ADM5: variants seen among roughly 807,000 people sequenced by gnomAD.
ADM5 encodes adrenomedullin 5 (putative).
In ADM5, 1 loss-of-function variant was observed where a neutral mutation model predicts 2.9. That is an observed-to-expected ratio of 0.35 (90% CI 0.12 to 1.65). The LOEUF (loss-of-function observed/expected upper bound fraction) is 1.65, where lower values mean the gene tolerates loss of function less well. Among genes scored for constraint, ADM5 ranks in the 40% most tolerant of loss-of-function variants. The probability of loss-of-function intolerance (pLI) is 0.36; values close to 1 mark genes in which losing one functional copy is unlikely to be tolerated. For missense variants in ADM5, 192 were observed against 205.2 expected (o/e 0.94, Z 0.39); for synonymous variants, 90 against 91.1 (o/e 0.99, Z 0.07).
In ADM5 at chr19:49,689,843, T is replaced by C. The variant is rs1481403129; in HGVS notation, c.6T>C (p.Thr2=). M[T]IHILILLLLL... ...CCTGACCCGCCCTGCCCACGATGAC[T>C]ATCCACATCCTCATCCTGCTGTTGC... is the stretch of plus-strand genomic sequence containing the variant. Residue 2 remains threonine (T), a synonymous_variant, in exon 1 of 2, where the codon ACT becomes ACC. Coordinates refer to ENST00000420022, the MANE Select transcript of ADM5 (RefSeq NM_001101340.2). The C allele has an allele frequency of 1.9e-6, 3 of 1,613,842 alleles. No individual in the cohort carries two copies. Among genetic ancestry groups the C allele is most frequent in the Non-Finnish European group, 2.5e-6 (3 of 1,179,880 alleles).
rs2082308504 is a variant in ADM5, at chr19:49,690,450, C to A, written c.419C>A (p.Ala140Asp). Residue 140 changes from alanine (A) to aspartate (D), a missense_variant, in exon 2 of 2, where the codon GCC becomes GAC. By Grantham distance (126) the Ala-to-Asp change is moderately radical (BLOSUM62 -2). Coordinates refer to ENST00000420022, the MANE Select transcript of ADM5 (RefSeq NM_001101340.2). This position sits in a 1 kb window ranked among gnomAD's most constrained non-coding sequence, Gnocchi z 4.4. ...LLHISSPLTPAPETVFPSPSP... is the reference protein window; with the variant it reads ...LLHISSPLTPDPETVFPSPSP... ...CACATTTCTTCTCCCCTAACTCCAG[C>A]CCCTGAAACCGTCTTCCCCAGTCCC... 1.3e-6 allele frequency: 2 copies of A among 1,539,022 alleles called. No individual in the cohort carries two copies. The highest frequency in any genetic ancestry group is 1.8e-6 in the Non-Finnish European group (2 of 1,138,330).
In ADM5 at chr19:49,690,254, C is replaced by T. The variant is rs998322211; in HGVS notation, c.223C>T (p.Leu75=). Residue 75 remains leucine, a synonymous_variant, in exon 2 of 2, where the codon CTA becomes TTA. Transcript: ENST00000420022. The surrounding 1 kb of genome is among the most constrained non-coding windows in gnomAD (Gnocchi z 4.4). Reference sequence around the variant, plus strand: ...AGGCCAGCCACGAGCCCCAGGACCCCTACAGCTATGGGCGCCGCCGGTGGC... The same window carrying T: ...AGGCCAGCCACGAGCCCCAGGACCCTTACAGCTATGGGCGCCGCCGGTGGC... ...GEGQPRAPGP[L]QLWAPPVARG... 5 of 1,551,912 alleles carry T rather than the reference C, an allele frequency of 3.2e-6. No homozygotes were observed. Among genetic ancestry groups the T allele is most frequent in the Non-Finnish European group, 4.4e-6 (5 of 1,147,206 alleles).
At position 49,689,658 on chromosome 19, in the gene ADM5, C is replaced by A; in HGVS notation, c.-180C>A. On this transcript the variant is annotated 5_prime_UTR_variant, in exon 1 of 2. Coordinates refer to ENST00000420022, the MANE Select transcript of ADM5 (RefSeq NM_001101340.2). Reference sequence around the variant, plus strand: ...CGGGGACCCGGGTTTGAATCCTGCCCCTCTGGTGTGGTGCGGCCTCTTCCC... The same window carrying A: ...CGGGGACCCGGGTTTGAATCCTGCCACTCTGGTGTGGTGCGGCCTCTTCCC... 1 of 732,762 alleles carries A rather than the reference C, an allele frequency of 1.4e-6. No homozygotes were observed. Among genetic ancestry groups the A allele is most frequent in the South Asian group, 1.7e-5 (1 of 58,418 alleles). 45.4% of individuals were successfully genotyped at this position (732,762 alleles called of 1,614,324 possible).
Position 49,690,153 on chromosome 19 carries a change from TG to T in ADM5, c.125del (p.Gly42AlafsTer60). The T allele has an allele frequency of 6.4e-7, 1 of 1,570,000 alleles. No homozygotes were observed. The highest frequency in any genetic ancestry group is 8.6e-7 in the Non-Finnish European group (1 of 1,158,348). On this transcript the variant is annotated frameshift_variant, in exon 2 of 2. Transcript: ENST00000420022. LOFTEE classifies it low-confidence loss of function (END_TRUNC). The surrounding 1 kb of genome is among the most constrained non-coding windows in gnomAD (Gnocchi z 4.4). ...VPQHRGHVCY[L>X]GVCRTHRLAE... is the part of the protein sequence containing the mutation. Reference sequence around the variant, plus strand: ...CAGCACCGCGGGCACGTCTGCTACCTGGGCGTATGCCGGACCCACCGCCTGG... The same window carrying T: ...CAGCACCGCGGGCACGTCTGCTACCTGGCGTATGCCGGACCCACCGCCTGG...
Position 49,690,019 on chromosome 19 carries a change from G to A in ADM5, c.75-87G>A, listed in dbSNP as rs2082294252. 131 of 1,595,600 alleles carry A rather than the reference G, an allele frequency of 8.2e-5. 1 individual carries two copies. The South Asian group carries it at 1.4e-3, about 17-fold the overall frequency. ...AGGTGATCTGTAAGCCTCCCCGCTGGTCTTGGAGTGCTTGGGTGCCCACCT... is the reference window on the plus strand; with the variant it reads ...AGGTGATCTGTAAGCCTCCCCGCTGATCTTGGAGTGCTTGGGTGCCCACCT... On this transcript the variant is annotated intron_variant, in intron 1 of 1. Coordinates refer to ENST00000420022, the MANE Select transcript of ADM5 (RefSeq NM_001101340.2). The surrounding 1 kb of genome is among the most constrained non-coding windows in gnomAD (Gnocchi z 4.4).
Position 49,690,095 on chromosome 19 carries a change from T to C in ADM5, c.75-11T>C. 6.5e-7 allele frequency: 1 copy of C among 1,549,460 alleles called. No homozygotes were observed. The highest frequency in any genetic ancestry group is 8.7e-7 in the Non-Finnish European group (1 of 1,145,216). On this transcript the variant is annotated splice_polypyrimidine_tract_variant and intron_variant, in intron 1 of 1. Coordinates refer to ENST00000420022, the MANE Select transcript of ADM5 (RefSeq NM_001101340.2). This position sits in a 1 kb window ranked among gnomAD's most constrained non-coding sequence, Gnocchi z 4.4. ...GTTTGAACCCGGTTTTCTCCCACGC[T>C]CCCTCTCCAGGCGAGGCCAGCACCA...
Position 49,689,703 on chromosome 19 carries a change from G to A in ADM5, c.-135G>A. ...CTTCCCACAGACTTTTGGCCTCAGT[G>A]TTCCCCGCCTGGGAAGTGGGGACTG... On this transcript the variant is annotated 5_prime_UTR_variant, in exon 1 of 2. Coordinates refer to ENST00000420022, the MANE Select transcript of ADM5 (RefSeq NM_001101340.2). 1 of 1,148,870 alleles carries A rather than the reference G, an allele frequency of 8.7e-7. No individual in the cohort carries two copies. Among genetic ancestry groups the A allele is most frequent in the Non-Finnish European group, 1.3e-6 (1 of 785,832 alleles). 71.2% of individuals were successfully genotyped at this position (1,148,870 alleles called of 1,614,324 possible). A position where few individuals can be genotyped will look rare whatever the true frequency, so the allele number is the denominator to read the frequency against.
chr19:49,690,543 C>T lies in ADM5; in HGVS notation c.*50C>T. 2 of 1,402,208 alleles carry T rather than the reference C, an allele frequency of 1.4e-6. No individual in the cohort carries two copies. The highest frequency in any genetic ancestry group is 1.9e-6 in the Non-Finnish European group (2 of 1,052,716). The allele number at this position is 1,402,208 out of a possible 1,614,324, so 86.9% of individuals were successfully genotyped here. On this transcript the variant is annotated 3_prime_UTR_variant, in exon 2 of 2. Coordinates refer to ENST00000420022, the MANE Select transcript of ADM5 (RefSeq NM_001101340.2). The surrounding 1 kb of genome is among the most constrained non-coding windows in gnomAD (Gnocchi z 4.4). Reference sequence around the variant, plus strand: ...CAGGCTGGGCGAAGAACACTGACGCCCAGAGCCGAATAAACAAGAGTTCCG... The same window carrying T: ...CAGGCTGGGCGAAGAACACTGACGCTCAGAGCCGAATAAACAAGAGTTCCG...
In ADM5 at chr19:49,689,852, C is replaced by A. The variant is rs76806983; in HGVS notation, c.15C>A (p.Ile5=). The A allele has an allele frequency of 4.0e-3, 6,429 of 1,613,972 alleles. 231 individuals carry two copies. The African/African-American group carries it at 0.075, about 19-fold the overall frequency. The change falls in exon 1 of 2, where the codon ATC becomes ATA. Residue 5 remains isoleucine, a synonymous_variant. Coordinates refer to ENST00000420022, the MANE Select transcript of ADM5 (RefSeq NM_001101340.2). ...CCCTGCCCACGATGACTATCCACAT[C>A]CTCATCCTGCTGTTGCTCCTCGCCT... The part of the protein sequence containing the change: MTIH[I]LILLLLLAFS...
Position 49,689,639 on chromosome 19 carries a change from C to T in ADM5, c.-199C>T. 1.5e-6 allele frequency: 1 copy of T among 656,850 alleles called. No individual in the cohort carries two copies. Among genetic ancestry groups the T allele is most frequent in the Non-Finnish European group, 2.6e-6 (1 of 384,278 alleles). The allele number at this position is 656,850 out of a possible 1,614,324, so 40.7% of individuals were successfully genotyped here. On this transcript the variant is annotated 5_prime_UTR_variant, in exon 1 of 2. Coordinates refer to ENST00000420022, the MANE Select transcript of ADM5 (RefSeq NM_001101340.2). ...GGAGCCGCGGTGCGGGAAGCGGGGA[C>T]CCGGGTTTGAATCCTGCCCCTCTGG...
In ADM5 at chr19:49,690,207, T is replaced by C. The variant is rs764258441; in HGVS notation, c.176T>C (p.Leu59Pro). Residue 59 changes from leucine to proline, a missense_variant, in exon 2 of 2, where the codon CTC becomes CCC. Coordinates refer to ENST00000420022, the MANE Select transcript of ADM5 (RefSeq NM_001101340.2). The surrounding 1 kb of genome is among the most constrained non-coding windows in gnomAD (Gnocchi z 4.4). ...LAEIIYWIRCLHQGALGEGQP... is the reference protein window; with the variant it reads ...LAEIIYWIRCPHQGALGEGQP... ...GAGATCATATACTGGATTCGCTGTC[T>C]CCACCAAGGAGCCCTCGGGGAAGGC... 20 of 1,559,848 alleles carry C rather than the reference T, an allele frequency of 1.3e-5. 1 individual carries two copies. Among genetic ancestry groups the C allele is most frequent in the Middle Eastern group, 1.7e-4 (1 of 6,010 alleles).
At position 49,689,756 on chromosome 19, in the gene ADM5, C is replaced by T. The variant is rs878890381; in HGVS notation, c.-82C>T. The T allele has an allele frequency of 6.4e-7, 1 of 1,556,556 alleles. No individual in the cohort carries two copies. Among genetic ancestry groups the T allele is most frequent in the Non-Finnish European group, 8.8e-7 (1 of 1,129,952 alleles). ...CCTGGTACCTGGCTCCAGAGCTGCA[C>T]CCAGAGGCGATCAGCCCGGTGCGGG... On this transcript the variant is annotated 5_prime_UTR_variant, in exon 1 of 2. Coordinates refer to ENST00000420022, the MANE Select transcript of ADM5 (RefSeq NM_001101340.2).
rs2082286143 is a variant in ADM5 at position 49,689,774 on chromosome 19, G to C, written c.-64G>C. On this transcript the variant is annotated 5_prime_UTR_variant, in exon 1 of 2. Coordinates refer to ENST00000420022, the MANE Select transcript of ADM5 (RefSeq NM_001101340.2). ...AGCTGCACCCAGAGGCGATCAGCCC[G>C]GTGCGGGAACGGGGCGGGGTGGCCG... is the stretch of plus-strand genomic sequence containing the variant. The C allele has an allele frequency of 1.9e-6, 3 of 1,593,418 alleles. No individual in the cohort carries two copies. The highest frequency in any genetic ancestry group is 2.6e-6 in the Non-Finnish European group (3 of 1,161,988).
In ADM5 at chr19:49,689,727, T is replaced by G. The variant is rs1291794309; in HGVS notation, c.-111T>G. 1.5e-6 allele frequency: 2 copies of G among 1,355,786 alleles called. No homozygotes were observed. The highest frequency in any genetic ancestry group is 2.1e-6 in the Non-Finnish European group (2 of 956,526). 84.0% of individuals were successfully genotyped at this position (1,355,786 alleles called of 1,614,324 possible). On this transcript the variant is annotated 5_prime_UTR_variant, in exon 1 of 2. Transcript: ENST00000420022. The stretch of plus-strand genomic sequence containing the variant: ...TGTTCCCCGCCTGGGAAGTGGGGAC[T>G]GGCCCTGGTACCTGGCTCCAGAGCT...
chr19:49,689,874 G>A lies in ADM5; in HGVS notation c.37G>A (p.Ala13Thr). Residue 13 changes from alanine (A) to threonine (T), a missense_variant, in exon 1 of 2, where the codon GCC (alanine) becomes ACC (threonine). Ala to Thr is a moderately conservative substitution (Grantham distance 58). Transcript: ENST00000420022. The part of the protein sequence containing the change: ...IHILILLLLL[A>T]FSAQGDLDTA... Reference sequence around the variant, plus strand: ...CATCCTCATCCTGCTGTTGCTCCTCGCCTTCTCCGCCCAAGGGGACCTGGA... The same window carrying A: ...CATCCTCATCCTGCTGTTGCTCCTCACCTTCTCCGCCCAAGGGGACCTGGA... 6.2e-7 allele frequency: 1 copy of A among 1,613,960 alleles called. No homozygotes were observed. Among genetic ancestry groups the A allele is most frequent in the Non-Finnish European group, 8.5e-7 (1 of 1,179,874 alleles).
rs1280258836 is a variant in ADM5, at chr19:49,690,030, CT to C, written c.75-74del. On this transcript the variant is annotated intron_variant, in intron 1 of 1. Transcript: ENST00000420022. The surrounding 1 kb of genome is among the most constrained non-coding windows in gnomAD (Gnocchi z 4.4). ...AAGCCTCCCCGCTGGTCTTGGAGTG[CT>C]TGGGTGCCCACCTCCATCACGCTCC... The C allele has an allele frequency of 6.3e-6, 10 of 1,584,656 alleles. No homozygotes were observed. Among genetic ancestry groups the C allele is most frequent in the Non-Finnish European group, 8.6e-6 (10 of 1,163,752 alleles).
At position 49,690,167 on chromosome 19, in the gene ADM5, A is replaced by G; in HGVS notation, c.136A>G (p.Thr46Ala). 6.4e-7 allele frequency: 1 copy of G among 1,569,340 alleles called. No individual in the cohort carries two copies. The highest frequency in any genetic ancestry group is 8.6e-7 in the Non-Finnish European group (1 of 1,158,066). ...CGTCTGCTACCTGGGCGTATGCCGG[A>G]CCCACCGCCTGGCGGAGATCATATA... is the stretch of plus-strand genomic sequence containing the variant. The part of the protein sequence containing the change: ...GHVCYLGVCR[T>A]HRLAEIIYWI... Residue 46 changes from threonine (T) to alanine (A), a missense_variant, in exon 2 of 2, where the codon ACC becomes GCC. Thr to Ala is a moderately conservative substitution (Grantham distance 58). Transcript: ENST00000420022. The surrounding 1 kb of genome is among the most constrained non-coding windows in gnomAD (Gnocchi z 4.4).
chr19:49,690,100 C>G lies in ADM5; in HGVS notation c.75-6C>G, dbSNP rs754375777. The stretch of plus-strand genomic sequence containing the variant: ...AACCCGGTTTTCTCCCACGCTCCCT[C>G]TCCAGGCGAGGCCAGCACCAGGTCC... On this transcript the variant is annotated splice_polypyrimidine_tract_variant and splice_region_variant and intron_variant, in intron 1 of 1. Transcript: ENST00000420022. This position sits in a 1 kb window ranked among gnomAD's most constrained non-coding sequence, Gnocchi z 4.4. The G allele has an allele frequency of 1.8e-5, 28 of 1,552,858 alleles. No individual in the cohort carries two copies. Among genetic ancestry groups the G allele is most frequent in the Non-Finnish European group, 2.4e-5 (27 of 1,147,622 alleles).
At position 49,690,030 on chromosome 19, in the gene ADM5, C is replaced by A; in HGVS notation, c.75-76C>A. 1 of 1,584,774 alleles carries A rather than the reference C, an allele frequency of 6.3e-7. No homozygotes were observed. Among genetic ancestry groups the A allele is most frequent in the South Asian group, 1.1e-5 (1 of 88,394 alleles). On this transcript the variant is annotated intron_variant, in intron 1 of 1. Coordinates refer to ENST00000420022, the MANE Select transcript of ADM5 (RefSeq NM_001101340.2). The surrounding 1 kb of genome is among the most constrained non-coding windows in gnomAD (Gnocchi z 4.4). Reference sequence around the variant, plus strand: ...AAGCCTCCCCGCTGGTCTTGGAGTGCTTGGGTGCCCACCTCCATCACGCTC... The same window carrying A: ...AAGCCTCCCCGCTGGTCTTGGAGTGATTGGGTGCCCACCTCCATCACGCTC...
Sources: allele counts gnomAD v4.1 joint callset, GRCh38; gene constraint gnomAD v4.1.1; non-coding constraint Gnocchi (gnomAD v3.1); transcripts MANE v1.5; gene names NCBI Gene and HGNC (gene_info 2026-07-23, HGNC 2026-07-21).